Variants in GPATCH1 observed in about 807,000 individuals in gnomAD.
The protein encoded by GPATCH1 is G-patch domain containing 1, also known as G patch domain-containing protein 1.
Under a neutral mutation model 114.9 loss-of-function variants are expected in GPATCH1, and 73 were observed. The observed-to-expected ratio is 0.64, with a 90% CI of 0.53 to 0.77. GPATCH1 has a LOEUF of 0.77. Among genes scored for constraint, GPATCH1 ranks in the 30% least tolerant of loss-of-function variants. GPATCH1 has a pLI of 0.00. For missense variants in GPATCH1, 1,058 were observed against 1,144.3 expected (o/e 0.92, Z 1.09); for synonymous variants, 391 against 428.4 (o/e 0.91, Z 1.08).
At chr19:33,097,946 G>A (rs1463343837) in intron 8 of GPATCH1, 44 bp downstream of exon 8, 1 of 1,593,792 alleles carries the variant, frequency 6.3e-7, no homozygotes, top group East Asian at 2.2e-5. Flanking sequence ...CAAGTGTCAG[G>A]GTATCAGGAA....
Position 33,117,981 on chromosome 19 carries a change from G to A in GPATCH1, c.2353G>A (p.Glu785Lys). The A allele has an allele frequency of 6.2e-7, 1 of 1,613,844 alleles. No homozygotes were observed. The highest frequency in any genetic ancestry group is 8.5e-7 in the Non-Finnish European group (1 of 1,179,970). The change falls in exon 16 of 20, where the codon GAG becomes AAG. Residue 785 changes from glutamate to lysine, a missense_variant. Glu to Lys is a moderately conservative substitution (Grantham distance 56). Transcript: ENST00000170564. ...DSEDDQAGSG[E>K]ANFQSSQDTD... is the part of the protein sequence containing the mutation. ...TGAAGATGATCAGGCAGGCTCTGGG[G>A]AGGCCAACTTCCAAAGCTCCCAAGA...
chr19:33,117,329 G>T (rs1369768997), intron 15 of GPATCH1, among the ~76,000 whole-genome samples: 1 of 152,124 alleles, frequency 6.6e-6, no homozygotes, highest in African/African-American at 2.4e-5. Flanking sequence ...GAATTCTTTT[G>T]AGTTTATTTT....
At chr19:33,083,020 C>T (rs958321235) in intron 1 of GPATCH1, among the ~76,000 whole-genome samples, 3 of 151,664 alleles carry the variant, frequency 2.0e-5, no homozygotes, top group Non-Finnish European at 2.9e-5. Context: ...GGGCAGATCG[C>T]GAATTCAGAA....
In GPATCH1 at chr19:33,117,911, C is replaced by T; in HGVS notation, c.2283C>T (p.Ser761=). The T allele has an allele frequency of 6.2e-7, 1 of 1,613,944 alleles. No homozygotes were observed. The highest frequency in any genetic ancestry group is 8.5e-7 in the Non-Finnish European group (1 of 1,179,906). The part of the protein sequence containing the change: ...MDLFRAIFAS[S]SDEKSSSSED... ...TATTCAGGGCCATCTTTGCCAGTTCCTCAGATGAAAAGTCCTCATCCTCCG... is the reference window on the plus strand; with the variant it reads ...TATTCAGGGCCATCTTTGCCAGTTCTTCAGATGAAAAGTCCTCATCCTCCG... Residue 761 remains serine, a synonymous_variant, in exon 16 of 20, where the codon TCC becomes TCT. Transcript: ENST00000170564.
chr19:33,086,982 TAAATA>T (rs1206304958), intron 1 of GPATCH1, among the ~76,000 whole-genome samples: 1 of 145,834 alleles, frequency 6.9e-6, no homozygotes, highest in African/African-American at 2.8e-5. Context: ...AAAAAAAAAA[TAAATA>T]AAGTATTTCT....
At chr19:33,100,847 G>A (rs770058966) in intron 8 of GPATCH1, among the ~76,000 whole-genome samples, 3 of 151,726 alleles carry the variant, frequency 2.0e-5, no homozygotes, top group South Asian at 2.1e-4. Context: ...GACTTTTGGC[G>A]TAACCAGTAC....
chr19:33,081,324 G>A, intron 1 of GPATCH1, 58 bp downstream of exon 1: 1 of 1,408,078 alleles, frequency 7.1e-7, no homozygotes, highest in Non-Finnish European at 9.8e-7. Flanking sequence ...CCCAGGATTC[G>A]GGCCACAAAA....
chr19:33,088,057 G>A, intron 1 of GPATCH1, 77 bp from the exon 2 acceptor site: 1 of 773,872 alleles, frequency 1.3e-6, no homozygotes, highest in Non-Finnish European at 2.0e-6. Context: ...TATTTAAAAA[G>A]TGACATTTTC....
intron 15 of GPATCH1, among the ~76,000 whole-genome samples, chr19:33,115,488 A>C (rs189241263): frequency 2.4e-3 from 356 of 150,798 alleles, no homozygotes; most frequent in Admixed American, 6.2e-3. Context: ...ATTATATTTA[A>C]AGTGGGTTTC....
In GPATCH1 at chr19:33,118,997, C is replaced by T. The variant is rs759780759; in HGVS notation, c.2414-13C>T. ...GGGCAGACGAATGACATGAACACCC[C>T]GCTGTTTTTCAGCTCTTGTGCCAGC... On this transcript the variant is annotated splice_polypyrimidine_tract_variant and intron_variant, in intron 16 of 19. Transcript: ENST00000170564. 30 of 1,533,784 alleles carry T rather than the reference C, an allele frequency of 2.0e-5. No individual in the cohort carries two copies. Among genetic ancestry groups the T allele is most frequent in the African/African-American group, 4.1e-5 (3 of 72,914 alleles).
Position 33,113,766 on chromosome 19 carries a change from G to C in GPATCH1, c.1893-1G>C, listed in dbSNP as rs755071885. The C allele has an allele frequency of 6.2e-7, 1 of 1,611,966 alleles. No individual in the cohort carries two copies. The highest frequency in any genetic ancestry group is 1.7e-5 in the Admixed American group (1 of 59,528). ...AAAATGATTCTTTTTTCAATTCCCA[G>C]TTCAACTTTAGTTGGCTTACCAAGA... On this transcript the variant is annotated splice_acceptor_variant, in intron 13 of 19. Coordinates refer to ENST00000170564, the MANE Select transcript of GPATCH1 (RefSeq NM_018025.3). LOFTEE classifies it high-confidence loss of function.
intron 1 of GPATCH1, among the ~76,000 whole-genome samples, chr19:33,081,496 G>C (rs1160676346): frequency 1.3e-5 from 2 of 152,194 alleles, no homozygotes; most frequent in Admixed American, 6.6e-5. Flanking sequence ...GGGGCGGCGA[G>C]ATAGAAACAA....
chr19:33,124,539 A>C (rs1199373089), intron 17 of GPATCH1, among the ~76,000 whole-genome samples: 1 of 152,164 alleles, frequency 6.6e-6, no homozygotes, highest in Non-Finnish European at 1.5e-5. Flanking sequence ...CTTATAAAAT[A>C]CGTTTTTGTA....
intron 3 of GPATCH1, among the ~76,000 whole-genome samples, chr19:33,092,256 G>A (rs192036988): frequency 6.6e-6 from 1 of 152,006 alleles, no homozygotes; most frequent in East Asian, 1.9e-4. Context: ...TCACCATATT[G>A]GCCAGGCTGG....
chr19:33,090,906 C>T (rs1451752035), intron 3 of GPATCH1, 41 bp downstream of exon 3: 1 of 1,280,326 alleles, frequency 7.8e-7, no homozygotes, highest in Admixed American at 1.7e-5. Context: ...GCTGGTGGGA[C>T]AGGTCTAGTT....
Position 33,106,905 on chromosome 19 carries a change from T to C in GPATCH1, c.1285+6T>C, listed in dbSNP as rs1275391347. ...TGGAGAGACGCCTATTCAAGGTATGTGCCATGGAGAAGACGGAAATCATTT... is the reference window on the plus strand; with the variant it reads ...TGGAGAGACGCCTATTCAAGGTATGCGCCATGGAGAAGACGGAAATCATTT... On this transcript the variant is annotated splice_donor_region_variant and intron_variant, in intron 10 of 19. Transcript: ENST00000170564. 3 of 1,601,254 alleles carry C rather than the reference T, an allele frequency of 1.9e-6. No homozygotes were observed. The highest frequency in any genetic ancestry group is 2.6e-6 in the Non-Finnish European group (3 of 1,169,440).
intron 10 of GPATCH1, among the ~76,000 whole-genome samples, chr19:33,107,409 T>C (rs569031188): frequency 2.2e-4 from 34 of 152,172 alleles, no homozygotes; most frequent in Non-Finnish European, 4.6e-4. Context: ...ATCACAACTT[T>C]TGTTGTAAGC....
chr19:33,125,148 A>C lies in GPATCH1; in HGVS notation c.2565A>C (p.Lys855Asn). 1 of 1,600,598 alleles carries C rather than the reference A, an allele frequency of 6.2e-7. No individual in the cohort carries two copies. Among genetic ancestry groups the C allele is most frequent in the Non-Finnish European group, 8.5e-7 (1 of 1,173,222 alleles). The change falls in exon 18 of 20, where the codon AAA becomes AAC. Residue 855 changes from lysine to asparagine, a missense_variant. Physicochemically the swap from Lys to Asn is moderately conservative, Grantham distance 94 (BLOSUM62 0). This residue lies in a region of GPATCH1 where 893 missense variants were observed against 977.4 expected (regional missense o/e 0.91). Coordinates refer to ENST00000170564, the MANE Select transcript of GPATCH1 (RefSeq NM_018025.3). Reference protein sequence around the residue: ...TLEVPQKEKHKKNKDKHKAKK... With the variant: ...TLEVPQKEKHNKNKDKHKAKK... ...AGGTTCCTCAAAAAGAGAAACATAAAAAGAACAAAGACAAGCACAAGGCCA... is the reference window on the plus strand; with the variant it reads ...AGGTTCCTCAAAAAGAGAAACATAACAAGAACAAAGACAAGCACAAGGCCA...
intron 11 of GPATCH1, among the ~76,000 whole-genome samples, chr19:33,110,596 A>G (rs1163411289): frequency 1.3e-5 from 2 of 151,962 alleles, no homozygotes; most frequent in Middle Eastern, 3.4e-3. Flanking sequence ...TGTAAAGTCT[A>G]TTTACTGTGC....
Sources: allele counts gnomAD v4.1 joint callset (sites outside exome capture counted in the v4.1 genomes callset), GRCh38; gene constraint gnomAD v4.1.1; regional missense constraint gnomAD v4.1.1; transcripts MANE v1.5; gene names NCBI Gene and HGNC (gene_info 2026-07-23, HGNC 2026-07-21).